THRB: variants seen among roughly 807,000 people sequenced by gnomAD.
THRB encodes thyroid hormone receptor beta, also known as nuclear receptor subfamily 1 group A member 2.
A neutral mutation model predicts 47.8 loss-of-function variants in THRB; 12 were observed. The ratio of observed to expected loss-of-function variants is 0.25; its 90% CI spans 0.16 to 0.41. The LOEUF (loss-of-function observed/expected upper bound fraction) is 0.41. Ranked by LOEUF, THRB falls within the 10% of genes least tolerant of loss-of-function variation. The probability of loss-of-function intolerance (pLI) is 1.00; values close to 1 mark genes in which losing one functional copy is unlikely to be tolerated. For missense variants in THRB, 348 were observed against 589.2 expected (o/e 0.59, Z 4.24); for synonymous variants, 218 against 212.2 (o/e 1.03, Z -0.24).
intron 3 of THRB, among the ~76,000 whole-genome samples, chr3:24,257,287 G>A (rs2051396213): frequency 6.6e-6 from 1 of 151,686 alleles, no homozygotes; most frequent in African/African-American, 2.4e-5. Context: ...GGTATTTTTT[G>A]ATACCTTTTC....
chr3:24,237,490 T>A (rs2048990497), intron 3 of THRB, among the ~76,000 whole-genome samples: 1 of 152,112 alleles, frequency 6.6e-6, no homozygotes, highest in Admixed American at 6.6e-5. Flanking sequence ...CCCCTACTCT[T>A]TATGTTAGTC....
At chr3:24,374,632 GA>G (rs548062084) in intron 1 of THRB, among the ~76,000 whole-genome samples, 3 of 152,120 alleles carry the variant, frequency 2.0e-5, no homozygotes, top group African/African-American at 7.2e-5. Context: ...ATCAAGGTTG[GA>G]AAACTAATAT....
At chr3:24,146,301 T>A (rs537385941) in intron 7 of THRB, among the ~76,000 whole-genome samples, 1 of 152,370 alleles carries the variant, frequency 6.6e-6, no homozygotes, top group East Asian at 1.9e-4. Context: ...GAACACTGTG[T>A]ATAGAATGAT....
At chr3:24,442,653 T>G (rs1037250026) in intron 1 of THRB, among the ~76,000 whole-genome samples, 12 of 151,736 alleles carry the variant, frequency 7.9e-5, no homozygotes, top group Admixed American at 6.6e-4. Flanking sequence ...GGAGAAACCC[T>G]TCTCTACTAA....
intron 1 of THRB, among the ~76,000 whole-genome samples, chr3:24,380,399 A>G (rs2065612543): frequency 6.6e-6 from 1 of 151,712 alleles, no homozygotes; most frequent in African/African-American, 2.4e-5. Flanking sequence ...TGACCCTGCC[A>G]TTTCAATTAA....
chr3:24,158,444 T>C (rs796859614), intron 5 of THRB, among the ~76,000 whole-genome samples: 2 of 104,804 alleles, frequency 1.9e-5, no homozygotes, highest in African/African-American at 8.8e-5. Flanking sequence ...GGGGGGAGGG[T>C]GGGGGACGAG....
intron 5 of THRB, among the ~76,000 whole-genome samples, chr3:24,169,913 A>C (rs1298761895): frequency 6.9e-6 from 1 of 144,736 alleles, no homozygotes; most frequent in Non-Finnish European, 1.5e-5. Context: ...GAGACCTTAT[A>C]GCCTGCTGAA....
intron 3 of THRB, chr3:24,238,185 G>C (rs1420974495): frequency 7.0e-6 from 1 of 142,706 alleles, no homozygotes; most frequent in Non-Finnish European, 1.5e-5. Flanking sequence ...TTTGGCCAAA[G>C]CATGCTGTTA....
chr3:24,262,436 G>A (rs962224269), intron 3 of THRB, among the ~76,000 whole-genome samples: 1 of 152,202 alleles, frequency 6.6e-6, no homozygotes, highest in Admixed American at 6.5e-5. Flanking sequence ...GCCAAACCCT[G>A]CAATGGTTTT....
At chr3:24,252,526 C>A (rs777198787) in intron 3 of THRB, among the ~76,000 whole-genome samples, 39 of 151,672 alleles carry the variant, frequency 2.6e-4, no homozygotes, top group Admixed American at 4.6e-4. Flanking sequence ...GAAAATCTTT[C>A]CACAGCTTTA....
intron 6 of THRB, among the ~76,000 whole-genome samples, chr3:24,147,947 G>A (rs751568942): frequency 1.3e-5 from 2 of 151,954 alleles, no homozygotes; most frequent in Non-Finnish European, 2.9e-5. Flanking sequence ...ACCCAGGAGC[G>A]GCACTCCACA....
chr3:24,144,759 A>G, intron 7 of THRB: 1 of 152,164 alleles, frequency 6.6e-6, no homozygotes, highest in East Asian at 1.9e-4. Flanking sequence ...AGAAAGAAGA[A>G]GAAATTGATC....
intron 1 of THRB, among the ~76,000 whole-genome samples, chr3:24,338,609 G>A (rs1489911659): frequency 6.6e-6 from 1 of 152,128 alleles, no homozygotes; most frequent in African/African-American, 2.4e-5. Context: ...TCATTAAAGC[G>A]ATTGTTGGTT....
At chr3:24,444,715 G>C (rs1333280294) in intron 1 of THRB, among the ~76,000 whole-genome samples, 1 of 152,090 alleles carries the variant, frequency 6.6e-6, no homozygotes, top group Non-Finnish European at 1.5e-5. Context: ...AGCCTCTCAA[G>C]TAGCTGGATA....
At chr3:24,449,955 T>A (rs1294875619) in intron 1 of THRB, among the ~76,000 whole-genome samples, 7 of 149,022 alleles carry the variant, frequency 4.7e-5, no homozygotes, top group Admixed American at 2.7e-4. Flanking sequence ...AGCATTCAAA[T>A]GAACATTTTA....
At chr3:24,434,558 A>T (rs1415025096) in intron 1 of THRB, among the ~76,000 whole-genome samples, 1 of 152,224 alleles carries the variant, frequency 6.6e-6, no homozygotes, top group Non-Finnish European at 1.5e-5. Flanking sequence ...TCCATAAATT[A>T]TTCTTTAAAT....
chr3:24,414,218 A>G (rs1367783351), intron 1 of THRB, among the ~76,000 whole-genome samples: 5 of 151,924 alleles, frequency 3.3e-5, no homozygotes, highest in African/African-American at 1.2e-4. Context: ...CTTTTTAAAG[A>G]GAAAAGTCTG....
At chr3:24,290,060 A>AG in intron 3 of THRB, among the ~76,000 whole-genome samples, 1 of 152,236 alleles carries the variant, frequency 6.6e-6, no homozygotes, top group East Asian at 1.9e-4. Flanking sequence ...GAAATGAATT[A>AG]GGTTGTGCTT....
At chr3:24,405,061 T>A (rs1398923174) in intron 1 of THRB, among the ~76,000 whole-genome samples, 1 of 151,992 alleles carries the variant, frequency 6.6e-6, no homozygotes, top group Non-Finnish European at 1.5e-5. Context: ...CTGTGTGAGT[T>A]TGAACAATTT....
Sources: allele counts gnomAD v4.1 joint callset (sites outside exome capture counted in the v4.1 genomes callset), GRCh38; gene constraint gnomAD v4.1.1; transcripts MANE v1.5; gene names NCBI Gene and HGNC (gene_info 2026-07-23, HGNC 2026-07-21).